ATE1: variants seen among roughly 807,000 people sequenced by gnomAD.
The protein encoded by ATE1 is arginyl-tRNA--protein transferase 1.
Under a neutral mutation model 70.5 loss-of-function variants are expected in ATE1, and 36 were observed. The observed-to-expected ratio is 0.51, with a 90% CI of 0.39 to 0.67. The LOEUF is 0.67. Among genes scored for constraint, ATE1 ranks in the 30% least tolerant of loss-of-function variants. The probability of loss-of-function intolerance (pLI) is 0.00; values close to 1 mark genes in which losing one functional copy is unlikely to be tolerated. For synonymous variants in ATE1, 232 were observed against 219.3 expected, an observed-to-expected ratio of 1.06 and a Z score of -0.51; for missense variants, 593 against 629.5, an observed-to-expected ratio of 0.94 and a Z score of 0.62.
intron 10 of ATE1, among the ~76,000 whole-genome samples, chr10:121,797,266 T>C (rs1487862748): frequency 6.6e-6 from 1 of 152,228 alleles, no homozygotes; most frequent in African/African-American, 2.4e-5. Context: ...AGTTATAAAC[T>C]GATACAGAGG....
At chr10:121,927,315 C>G (rs1590751765) in intron 1 of ATE1, 1 of 982,500 alleles carries the variant, frequency 1.0e-6, no homozygotes, top group Non-Finnish European at 1.2e-6. Flanking sequence ...CCGCGGTCAC[C>G]AGTTTCTTGT....
chr10:121,881,280 T>C (rs1312309136), intron 7 of ATE1, among the ~76,000 whole-genome samples: 20 of 152,222 alleles, frequency 1.3e-4, no homozygotes, highest in Non-Finnish European at 1.5e-5. Context: ...CTGCTGGGCA[T>C]TGTGTATTTC....
At chr10:121,815,661 A>G (rs1947512246) in intron 10 of ATE1, among the ~76,000 whole-genome samples, 1 of 152,152 alleles carries the variant, frequency 6.6e-6, no homozygotes, top group African/African-American at 2.4e-5. Context: ...GTCATACAGG[A>G]CAGTTTATTT....
intron 7 of ATE1, among the ~76,000 whole-genome samples, chr10:121,885,778 T>C (rs1318653838): frequency 6.6e-6 from 1 of 151,912 alleles, no homozygotes; most frequent in Non-Finnish European, 1.5e-5. Context: ...CATGCGCCTG[T>C]AGTCCTAGCT....
intron 7 of ATE1, among the ~76,000 whole-genome samples, chr10:121,875,281 T>C (rs1378165440): frequency 6.7e-6 from 1 of 149,058 alleles, no homozygotes; most frequent in East Asian, 2.0e-4. Flanking sequence ...AATTTGGGCC[T>C]TGAGGGTTTT....
chr10:121,845,270 G>A (rs1414271759), intron 8 of ATE1, among the ~76,000 whole-genome samples: 1 of 152,172 alleles, frequency 6.6e-6, no homozygotes, highest in Non-Finnish European at 1.5e-5. Flanking sequence ...TGGGCTATTA[G>A]GGGAATGATG....
At chr10:121,747,733 A>T (rs1469850727) in intron 11 of ATE1, among the ~76,000 whole-genome samples, 1 of 152,228 alleles carries the variant, frequency 6.6e-6, no homozygotes, top group Non-Finnish European at 1.5e-5. Context: ...TACACATATG[A>T]ATTTAAAACT....
At chr10:121,786,286 C>T (rs889534002) in intron 11 of ATE1, among the ~76,000 whole-genome samples, 3 of 127,370 alleles carry the variant, frequency 2.4e-5, no homozygotes, top group Non-Finnish European at 4.7e-5. Context: ...GTTTGCCCAA[C>T]ATTAAGAGTC....
At chr10:121,926,485 T>C (rs1182845073) in intron 1 of ATE1, among the ~76,000 whole-genome samples, 1 of 152,158 alleles carries the variant, frequency 6.6e-6, no homozygotes. Flanking sequence ...ATACTAGAAA[T>C]TGATGATTAT....
In ATE1 at chr10:121,791,032, ATATATGTG is replaced by A. The variant is rs1164161415; in HGVS notation, c.1258-751_1258-744del. 1.2e-4 allele frequency among the ~76,000 whole-genome samples: 18 copies of A among 149,424 alleles called. No homozygotes were observed. In the East Asian group the frequency reaches 2.3e-3, roughly 20 times the overall value. On this transcript the variant is annotated intron_variant, in intron 10 of 11. Coordinates refer to ENST00000224652, the MANE Select transcript of ATE1 (RefSeq NM_001001976.3). ...TATGTATACATGTGTGTATATATGTATATATGTGTATATATATGTATACGTGTGTGTGT... is the reference window on the plus strand; with the variant it reads ...TATGTATACATGTGTGTATATATGTATATATATATGTATACGTGTGTGTGT...
chr10:121,747,542 C>A (rs572785497), intron 11 of ATE1, among the ~76,000 whole-genome samples: 1 of 152,316 alleles, frequency 6.6e-6, no homozygotes, highest in East Asian at 1.9e-4. Flanking sequence ...GACCCCTGGG[C>A]CCCCTTTCCT....
At chr10:121,902,756 A>G in intron 5 of ATE1, 136 bp from the exon 6 acceptor site, 1 of 847,120 alleles carries the variant, frequency 1.2e-6, no homozygotes, top group Non-Finnish European at 1.8e-6. Flanking sequence ...GTTTCAGAGG[A>G]TCCTGATACA....
chr10:121,901,531 G>A (rs951304454), intron 6 of ATE1, among the ~76,000 whole-genome samples: 1 of 151,974 alleles, frequency 6.6e-6, no homozygotes, highest in African/African-American at 2.4e-5. Context: ...ATCTCAGCTC[G>A]CTACAACCTC....
At chr10:121,927,722 C>T in intron 1 of ATE1, 122 bp downstream of exon 1, 2 of 1,353,790 alleles carry the variant, frequency 1.5e-6, no homozygotes, top group Non-Finnish European at 1.9e-6. Flanking sequence ...AGAGTGCCCC[C>T]TCCGTCTCGG....
chr10:121,890,754 A>G (rs562012566), intron 7 of ATE1, among the ~76,000 whole-genome samples: 2 of 152,336 alleles, frequency 1.3e-5, no homozygotes, highest in East Asian at 3.9e-4. Flanking sequence ...TCATGTTTCT[A>G]TCACATAGAA....
intron 11 of ATE1, among the ~76,000 whole-genome samples, chr10:121,775,281 T>G (rs545601335): frequency 3.3e-4 from 50 of 152,078 alleles, no homozygotes; most frequent in Admixed American, 1.9e-3. Context: ...TTACTACTGA[T>G]AGTAAACCCT....
chr10:121,908,845 A>C (rs1951307962), intron 5 of ATE1, among the ~76,000 whole-genome samples: 1 of 152,254 alleles, frequency 6.6e-6, no homozygotes, highest in African/African-American at 2.4e-5. Flanking sequence ...TCAAGGCTCT[A>C]TATCCAACTA....
chr10:121,791,436 A>G (rs1433569742), intron 10 of ATE1, among the ~76,000 whole-genome samples: 1 of 152,158 alleles, frequency 6.6e-6, no homozygotes, highest in Non-Finnish European at 1.5e-5. Context: ...CAAATCTAAC[A>G]CAAAGACTAT....
rs551536723 is a variant in ATE1 at position 121,857,662 on chromosome 10, T to C, written c.975+12344A>G. 9.8e-5 allele frequency among the ~76,000 whole-genome samples: 15 copies of C among 152,334 alleles called. No individual in the cohort carries two copies. In the South Asian group the frequency reaches 2.3e-3, roughly 23 times the overall value. ...GACACAGGCACTCATACATTCATCA[T>C]AGCTCTATTCACAACGGCAAAGAAA... On this transcript the variant is annotated intron_variant, in intron 8 of 11. Transcript: ENST00000224652.
Sources: gnomAD v4.1 joint callset for allele counts (sites outside exome capture counted in the v4.1 genomes callset) on GRCh38, gnomAD v4.1.1 for gene constraint, MANE v1.5 for transcripts, NCBI Gene and HGNC (gene_info 2026-07-23, HGNC 2026-07-21) for gene names.